IL26: variants seen among roughly 807,000 people sequenced by gnomAD.
IL26 encodes interleukin 26.
IL26 carries 23 observed loss-of-function variants against 21.7 expected under a neutral mutation model. That is an observed-to-expected ratio of 1.06 (90% CI 0.76 to 1.50). The LOEUF is 1.50. Ranked by LOEUF, IL26 falls within the 40% of genes most tolerant of loss-of-function variation. The probability of loss-of-function intolerance (pLI) is 0.00; values close to 1 mark genes in which losing one functional copy is unlikely to be tolerated. For missense variants in IL26, 204 were observed against 196.0 expected, an observed-to-expected ratio of 1.04 and a Z score of -0.24; for synonymous variants, 63 against 67.8, an observed-to-expected ratio of 0.93 and a Z score of 0.34.
At chr12:68,201,979 A>T in intron 4 of IL26, 39 bp downstream of exon 4, 1 of 1,554,136 alleles carries the variant, frequency 6.4e-7, no homozygotes, top group Non-Finnish European at 8.7e-7. Context: ...CCTATTTTAA[A>T]AAACAAAGTT....
At chr12:68,205,752 C>T (rs773090619) in intron 3 of IL26, among the ~76,000 whole-genome samples, 3 of 152,216 alleles carry the variant, frequency 2.0e-5, no homozygotes, top group Non-Finnish European at 4.4e-5. Context: ...CTATACAGTA[C>T]TAACCCTTCT....
intron 3 of IL26, among the ~76,000 whole-genome samples, chr12:68,210,893 A>G (rs1592896922): frequency 6.6e-6 from 1 of 152,374 alleles, no homozygotes; most frequent in Admixed American, 6.5e-5. Context: ...CACACAATTT[A>G]GCATGTGAAT....
intron 3 of IL26, among the ~76,000 whole-genome samples, chr12:68,220,228 T>A (rs1310005121): frequency 6.6e-6 from 1 of 152,104 alleles, no homozygotes; most frequent in South Asian, 2.1e-4. Context: ...TATGCTAGTA[T>A]CAAAGTGACA....
Position 68,225,199 on chromosome 12 carries a change from T to G in IL26, c.313A>C (p.Ile105Leu). 6.2e-7 allele frequency: 1 copy of G among 1,614,040 alleles called. No homozygotes were observed. Among genetic ancestry groups the G allele is most frequent in the Non-Finnish European group, 8.5e-7 (1 of 1,179,960 alleles). ...CTATGAAAGTCCTCCACAAAGCGTA[T>G]TTTCTTGCAGCCTTGCAATTGCAGT... ...GQLQLQGCKK[I>L]RFVEDFHSLR... Residue 105 changes from isoleucine (I) to leucine (L), a missense_variant, in exon 3 of 5, where the codon ATA (isoleucine) becomes CTA (leucine). Ile to Leu is a conservative substitution (Grantham distance 5). Transcript: ENST00000229134.
chr12:68,216,063 T>C (rs1329709402), intron 3 of IL26, among the ~76,000 whole-genome samples: 1 of 151,112 alleles, frequency 6.6e-6, no homozygotes, highest in East Asian at 2.0e-4. Context: ...GAGGCTGAGG[T>C]GGATGGATCA....
chr12:68,212,067 TAGG>T (rs1555189156), intron 3 of IL26, among the ~76,000 whole-genome samples: 2 of 152,122 alleles, frequency 1.3e-5, no homozygotes, highest in Non-Finnish European at 2.9e-5. Flanking sequence ...CTGTGAGAGA[TAGG>T]AGTTTAGTTT....
intron 3 of IL26, among the ~76,000 whole-genome samples, chr12:68,209,799 A>G (rs1337634676): frequency 6.6e-6 from 1 of 152,212 alleles, no homozygotes; most frequent in Non-Finnish European, 1.5e-5. Flanking sequence ...GTCGACAGCT[A>G]CATGTGTCAC....
intron 3 of IL26, among the ~76,000 whole-genome samples, chr12:68,210,019 T>G (rs1868662690): frequency 6.6e-6 from 1 of 152,142 alleles, no homozygotes. Context: ...TCTTGTTGTT[T>G]TTTGTTTTTT....
chr12:68,201,619 T>C lies in IL26; in HGVS notation c.*226A>G. ...ATGTACTTGTGAATGACAAAACATG[T>C]TCAGAATGGAAACATTATTTGAAAA... is the stretch of plus-strand genomic sequence containing the variant. On this transcript the variant is annotated 3_prime_UTR_variant, in exon 5 of 5. Coordinates refer to ENST00000229134, the MANE Select transcript of IL26 (RefSeq NM_018402.2). 4 of 394,324 alleles carry C rather than the reference T, an allele frequency of 1.0e-5. No individual in the cohort carries two copies. In the South Asian group the frequency reaches 2.3e-4, roughly 22 times the overall value. The allele number at this position is 394,324 out of a possible 1,614,324, so 24.4% of individuals were successfully genotyped here.
intron 3 of IL26, among the ~76,000 whole-genome samples, chr12:68,208,361 T>G (rs1868602366): frequency 6.6e-6 from 1 of 152,166 alleles, no homozygotes; most frequent in African/African-American, 2.4e-5. Context: ...GCTGAATACC[T>G]CGGACTAAAT....
At chr12:68,214,093 C>T (rs1292063553) in intron 3 of IL26, among the ~76,000 whole-genome samples, 1 of 152,016 alleles carries the variant, frequency 6.6e-6, no homozygotes, top group Non-Finnish European at 1.5e-5. Flanking sequence ...AAATTTCCAT[C>T]GTAATATATT....
At chr12:68,224,883 T>C (rs748424859) in intron 3 of IL26, among the ~76,000 whole-genome samples, 1 of 152,190 alleles carries the variant, frequency 6.6e-6, no homozygotes, top group Non-Finnish European at 1.5e-5. Flanking sequence ...GATTTTAAAG[T>C]ATTTATTTGA....
At chr12:68,225,114 G>T in intron 3 of IL26, 35 bp downstream of exon 3, 1 of 1,565,802 alleles carries the variant, frequency 6.4e-7, no homozygotes, top group Non-Finnish European at 8.6e-7. Flanking sequence ...CAGGTTTCTA[G>T]GATCAAATGC....
intron 3 of IL26, among the ~76,000 whole-genome samples, chr12:68,213,474 G>A (rs1868790509): frequency 1.3e-5 from 2 of 151,902 alleles, no homozygotes; most frequent in Non-Finnish European, 2.9e-5. Flanking sequence ...AAAATGTTTG[G>A]TAGAACTCAG....
chr12:68,201,909 T>G lies in IL26; in HGVS notation c.452A>C (p.Lys151Thr), dbSNP rs1722514897. 6.2e-7 allele frequency: 1 copy of G among 1,603,170 alleles called. No homozygotes were observed. The highest frequency in any genetic ancestry group is 8.5e-7 in the Non-Finnish European group (1 of 1,176,812). ...AAGAATATCCAGTTCACTGATGGCT[T>G]TGTAGATTCCTTTGTTTCCAATCTG... Reference protein sequence around the residue: ...FYRIGNKGIYKAISELDILLS... With the variant: ...FYRIGNKGIYTAISELDILLS... Residue 151 changes from lysine (K) to threonine (T), a missense_variant, in exon 5 of 5, where the codon AAA becomes ACA. Lys to Thr is a moderately conservative substitution (Grantham distance 78). Transcript: ENST00000229134.
chr12:68,204,141 A>ATTTTTTTTTTTTTTTTTTTTTTTTT lies in IL26; in HGVS notation c.364-2059_364-2058insAAAAAAAAAAAAAAAAAAAAAAAAA, dbSNP rs6144754. ...TAAAATCATGTGTTAGGATTCAAAG[A>ATTTTTTTTTTTTTTTTTTTTTTTTT]TTTTTTTTTTTTTTTTTTTTGAGGC... On this transcript the variant is annotated intron_variant, in intron 3 of 4. Coordinates refer to ENST00000229134, the MANE Select transcript of IL26 (RefSeq NM_018402.2). Among the ~76,000 whole-genome samples, 60 of 113,182 alleles carry ATTTTTTTTTTTTTTTTTTTTTTTTT rather than the reference A, an allele frequency of 5.3e-4. 1 individual carries two copies. The highest frequency in any genetic ancestry group is 7.0e-4 in the Non-Finnish European group (40 of 56,812). The allele number at this position is 113,182 out of a possible 152,430, so 74.3% of individuals were successfully genotyped here. A position where few individuals can be genotyped will look rare whatever the true frequency, so the allele number is the denominator to read the frequency against.
chr12:68,225,325 A>G, intron 2 of IL26, 42 bp from the exon 3 acceptor site: 1 of 1,584,070 alleles, frequency 6.3e-7, no homozygotes, highest in Non-Finnish European at 8.6e-7. Context: ...TAAATTATGA[A>G]TCGTTTTTTA....
At chr12:68,218,171 A>G (rs186379230) in intron 3 of IL26, among the ~76,000 whole-genome samples, 2 of 152,218 alleles carry the variant, frequency 1.3e-5, no homozygotes, top group Non-Finnish European at 2.9e-5. Context: ...AAAATTCATA[A>G]TATTTGACAT....
At chr12:68,211,994 A>T (rs1565737740) in intron 3 of IL26, among the ~76,000 whole-genome samples, 2 of 152,166 alleles carry the variant, frequency 1.3e-5, no homozygotes, top group East Asian at 3.9e-4. Flanking sequence ...GTTTTCTTCC[A>T]ATAGTTTCAT....
Sources: gnomAD v4.1 joint callset for allele counts (sites outside exome capture counted in the v4.1 genomes callset) on GRCh38, gnomAD v4.1.1 for gene constraint, MANE v1.5 for transcripts, NCBI Gene and HGNC (gene_info 2026-07-23, HGNC 2026-07-21) for gene names.